Variants in SLU7 observed in about 807,000 individuals in gnomAD.
The protein encoded by SLU7 is spliceosome associated SLU7.
SLU7 carries 60 observed loss-of-function variants against 87.0 expected under a neutral mutation model. The observed-to-expected ratio is 0.69, with a 90% confidence interval of 0.56 to 0.86. The LOEUF (loss-of-function observed/expected upper bound fraction) is 0.86, where lower values mean the gene tolerates loss of function less well. Ranked by LOEUF, SLU7 falls within the 40% of genes least tolerant of loss-of-function variation. The pLI is 0.00. For synonymous variants in SLU7, 197 were observed against 222.0 expected (o/e 0.89, Z 1.00); for missense variants, 507 against 686.6 (o/e 0.74, Z 2.92).
chr5:160,405,106 G>GCCTT lies in SLU7; in HGVS notation c.1313_1316dup (p.Trp441ProfsTer26), dbSNP rs1561554325. The GCCTT allele has an allele frequency of 6.2e-7, 1 of 1,613,368 alleles. No individual in the cohort carries two copies. Among genetic ancestry groups the GCCTT allele is most frequent in the Non-Finnish European group, 8.5e-7 (1 of 1,179,410 alleles). On this transcript the variant is annotated frameshift_variant, in exon 13 of 16. Coordinates refer to ENST00000297151, the MANE Select transcript of SLU7 (RefSeq NM_006425.5). LOFTEE classifies it high-confidence loss of function. ...AGTGACAGCATTTGTATCCCCATCG[G>GCCTT]CCTTCTTTCCAGTACGATCCCCAGA...
chr5:160,417,215 C>G (rs1765493597), intron 1 of SLU7: 1 of 152,094 alleles, frequency 6.6e-6, no homozygotes, highest in African/African-American at 2.4e-5. Flanking sequence ...CAATGCAGTA[C>G]CGTCCAAAAA....
At chr5:160,415,416 T>C (rs964633381) in intron 1 of SLU7, 106 bp from the exon 2 acceptor site, 11 of 813,958 alleles carry the variant, frequency 1.4e-5, no homozygotes, top group Admixed American at 3.4e-5. Flanking sequence ...TGTTTTTTTT[T>C]CTCCTATATT....
chr5:160,406,919 G>A (rs1017460519), intron 11 of SLU7, among the ~76,000 whole-genome samples: 29 of 152,210 alleles, frequency 1.9e-4, no homozygotes, highest in African/African-American at 7.0e-4. Context: ...CCCATCAAGA[G>A]ACGAAGTCTT....
intron 6 of SLU7, among the ~76,000 whole-genome samples, chr5:160,411,106 T>A (rs996165154): frequency 1.3e-5 from 2 of 152,156 alleles, no homozygotes; most frequent in African/African-American, 4.8e-5. Flanking sequence ...GACCTTGGGA[T>A]CCACCCGCCT....
At chr5:160,410,638 C>T (rs1279842370) in intron 6 of SLU7, among the ~76,000 whole-genome samples, 2 of 152,086 alleles carry the variant, frequency 1.3e-5, no homozygotes, top group East Asian at 1.9e-4. Flanking sequence ...AGTATCCTTA[C>T]TGGGGAAATA....
intron 6 of SLU7, among the ~76,000 whole-genome samples, chr5:160,412,062 C>T (rs574335517): frequency 2.0e-5 from 3 of 152,268 alleles, no homozygotes; most frequent in South Asian, 2.1e-4. Context: ...CACAGCATTA[C>T]ACCATGCAGA....
chr5:160,413,556 G>T lies in SLU7; in HGVS notation c.470C>A (p.Pro157His). 1.2e-6 allele frequency: 2 copies of T among 1,613,918 alleles called. No homozygotes were observed. The highest frequency in any genetic ancestry group is 1.7e-6 in the Non-Finnish European group (2 of 1,179,868). ...CCCATCATAGTCAAACATCAGTTGA[G>T]GCTGGACATGTTCATCTGGAGCTAT... ...TNIAPDEHVQPQLMFDYDGKR... is the reference protein window; with the variant it reads ...TNIAPDEHVQHQLMFDYDGKR... The change falls in exon 5 of 16, where the codon CCT becomes CAT. Residue 157 changes from proline to histidine, a missense_variant. Around this residue, in one of 6 missense-constraint regions of SLU7, gnomAD observed 155 missense variants for 154.4 expected, o/e 1.00. Transcript: ENST00000297151.
chr5:160,408,639 ATATG>A lies in SLU7; in HGVS notation c.687+7_687+10del, dbSNP rs749089080. On this transcript the variant is annotated splice_region_variant and intron_variant, in intron 7 of 15. Coordinates refer to ENST00000297151, the MANE Select transcript of SLU7 (RefSeq NM_006425.5). ...TTTAACATATACTCAGAGACAGCAA[ATATG>A]TATTACCATCTGAGAATTTGGTTCC... The A allele has an allele frequency of 4.6e-6, 7 of 1,529,862 alleles. No individual in the cohort carries two copies. The highest frequency in any genetic ancestry group is 6.3e-6 in the Non-Finnish European group (7 of 1,110,264). 94.8% of individuals were successfully genotyped at this position (1,529,862 alleles called of 1,614,324 possible).
intron 15 of SLU7, among the ~76,000 whole-genome samples, chr5:160,403,919 A>G (rs1764890286): frequency 6.6e-6 from 1 of 152,198 alleles, no homozygotes; most frequent in Non-Finnish European, 1.5e-5. Flanking sequence ...CATAATTACT[A>G]AATACTCCAA....
At chr5:160,412,379 A>G in intron 6 of SLU7, 72 bp downstream of exon 6, 3 of 951,484 alleles carry the variant, frequency 3.2e-6, no homozygotes, top group Non-Finnish European at 5.0e-6. Flanking sequence ...TATAAAATGA[A>G]TTCTTGTTTC....
rs760985088 is a variant in SLU7 at position 160,406,539 on chromosome 5, CTG to C, written c.1214_1215del (p.Thr405SerfsTer13). 1 of 1,613,890 alleles carries C rather than the reference CTG, an allele frequency of 6.2e-7. No individual in the cohort carries two copies. Among genetic ancestry groups the C allele is most frequent in the South Asian group, 1.1e-5 (1 of 91,072 alleles). ...ACAGCCCGCTCCTGTCCTTTGATGA[CTG>C]TCCCATGTCTTGAGTACTCCACATA... Reference protein sequence around the residue: ...EDYVEYSRHGTVIKGQERAVA... With the variant: ...EDYVEYSRHGXVIKGQERAVA... On this transcript the variant is annotated frameshift_variant, in exon 12 of 16. Transcript: ENST00000297151. LOFTEE classifies it high-confidence loss of function.
chr5:160,418,728 G>C (rs1372893784), intron 1 of SLU7: 1 of 152,242 alleles, frequency 6.6e-6, no homozygotes, highest in Non-Finnish European at 1.5e-5. Context: ...ACTGGAAGCA[G>C]CTTTCCCTGC....
intron 1 of SLU7, among the ~76,000 whole-genome samples, chr5:160,417,668 T>C (rs1446759478): frequency 6.6e-6 from 1 of 151,910 alleles, no homozygotes; most frequent in Admixed American, 6.6e-5. Context: ...GGCGTGCACC[T>C]GTAATCCTAG....
chr5:160,408,663 G>C lies in SLU7; in HGVS notation c.674C>G (p.Pro225Arg). The C allele has an allele frequency of 6.4e-7, 1 of 1,571,428 alleles. No individual in the cohort carries two copies. Among genetic ancestry groups the C allele is most frequent in the Non-Finnish European group, 8.7e-7 (1 of 1,150,776 alleles). ...SPKHQWGEEEPNSQMEKDHNS... is the reference protein window; with the variant it reads ...SPKHQWGEEERNSQMEKDHNS... ...AATATGTATTACCATCTGAGAATTT[G>C]GTTCCTCTTCTCCCCACTGGTGTTT... Residue 225 changes from proline (P) to arginine (R), a missense_variant, in exon 7 of 16, where the codon CCA becomes CGA. Transcript: ENST00000297151.
At position 160,403,257 on chromosome 5, in the gene SLU7, C is replaced by A; in HGVS notation, c.*28G>T. The A allele has an allele frequency of 6.7e-7, 1 of 1,501,876 alleles. No homozygotes were observed. The highest frequency in any genetic ancestry group is 9.0e-7 in the Non-Finnish European group (1 of 1,116,446). 93.0% of individuals were successfully genotyped at this position (1,501,876 alleles called of 1,614,324 possible). On this transcript the variant is annotated 3_prime_UTR_variant, in exon 16 of 16. Coordinates refer to ENST00000297151, the MANE Select transcript of SLU7 (RefSeq NM_006425.5). ...GCTGAAAAGAATGTATCAGCTGCAT[C>A]TATCTTGGATGGTCTTCTGACTAGT...
chr5:160,412,534 A>AAAG lies in SLU7; in HGVS notation c.571-16_571-15insCTT. ...GTTCGTTTTGCCTTTAAAAAAAAAAAAAAGAAAGAAAGAAAGAAAAAGTAA... is the reference window on the plus strand; with the variant it reads ...GTTCGTTTTGCCTTTAAAAAAAAAAAAAGAAAGAAAGAAAGAAAGAAAAAGTAA... On this transcript the variant is annotated splice_polypyrimidine_tract_variant and intron_variant, in intron 5 of 15. Coordinates refer to ENST00000297151, the MANE Select transcript of SLU7 (RefSeq NM_006425.5). 1.6e-6 allele frequency: 2 copies of AAAG among 1,283,442 alleles called. No homozygotes were observed. Among genetic ancestry groups the AAAG allele is most frequent in the Non-Finnish European group, 2.1e-6 (2 of 954,888 alleles). The allele number at this position is 1,283,442 out of a possible 1,614,324, so 79.5% of individuals were successfully genotyped here. A position where few individuals can be genotyped will look rare whatever the true frequency, so the allele number is the denominator to read the frequency against.
intron 6 of SLU7, among the ~76,000 whole-genome samples, chr5:160,411,786 GA>G (rs948301117): frequency 6.7e-6 from 1 of 148,808 alleles, no homozygotes; most frequent in Non-Finnish European, 1.5e-5. Context: ...TTTTAAAAAA[GA>G]AAAAAAAACT....
chr5:160,408,071 A>G lies in SLU7; in HGVS notation c.820-3T>C, dbSNP rs755393822. 6.4e-7 allele frequency: 1 copy of G among 1,572,976 alleles called. No homozygotes were observed. Among genetic ancestry groups the G allele is most frequent in the Non-Finnish European group, 8.7e-7 (1 of 1,143,760 alleles). ...TTTGGATCTAAATTCCTCAAATACT[A>G]GAAGAAAAAAATATTTAAAGAATTA... On this transcript the variant is annotated splice_region_variant and splice_polypyrimidine_tract_variant and intron_variant, in intron 8 of 15. Coordinates refer to ENST00000297151, the MANE Select transcript of SLU7 (RefSeq NM_006425.5).
At position 160,403,202 on chromosome 5, in the gene SLU7, G is replaced by A; in HGVS notation, c.*83C>T. On this transcript the variant is annotated 3_prime_UTR_variant, in exon 16 of 16. Coordinates refer to ENST00000297151, the MANE Select transcript of SLU7 (RefSeq NM_006425.5). ...CCAGGCAGCAAGAAGAATAAACAAG[G>A]ATTTTTCTATCTACAATCATCAATA... 9.1e-7 allele frequency: 1 copy of A among 1,104,866 alleles called. No individual in the cohort carries two copies. Among genetic ancestry groups the A allele is most frequent in the South Asian group, 1.9e-5 (1 of 51,926 alleles). 68.4% of individuals were successfully genotyped at this position (1,104,866 alleles called of 1,614,324 possible).
Sources: allele counts gnomAD v4.1 joint callset (sites outside exome capture counted in the v4.1 genomes callset), GRCh38; gene constraint gnomAD v4.1.1; regional missense constraint gnomAD v4.1.1; transcripts MANE v1.5; gene names NCBI Gene and HGNC (gene_info 2026-07-23, HGNC 2026-07-21).